GRM8: variants seen among roughly 807,000 people sequenced by gnomAD.
GRM8 encodes glutamate metabotropic receptor 8.
Under a neutral mutation model 87.2 loss-of-function variants are expected in GRM8, and 47 were observed. The ratio of observed to expected loss-of-function variants is 0.54; its 90% CI spans 0.43 to 0.69. GRM8 has a LOEUF of 0.69. Among genes scored for constraint, GRM8 ranks in the 30% least tolerant of loss-of-function variants. GRM8 has a pLI of 0.00. For missense variants in GRM8, 1,019 were observed against 1,139.2 expected (o/e 0.89, Z 1.52); for synonymous variants, 396 against 404.5 (o/e 0.98, Z 0.25).
intron 6 of GRM8, among the ~76,000 whole-genome samples, chr7:126,788,111 C>A (rs1310799863): frequency 6.6e-6 from 1 of 151,852 alleles, no homozygotes; most frequent in Non-Finnish European, 1.5e-5. Context: ...ATGTAGATTT[C>A]TATCATTAAA....
At chr7:126,641,661 G>C (rs770853974) in intron 7 of GRM8, among the ~76,000 whole-genome samples, 1 of 152,024 alleles carries the variant, frequency 6.6e-6, no homozygotes, top group Non-Finnish European at 1.5e-5. Flanking sequence ...ACTATTTCAT[G>C]ATGAGAAAAA....
chr7:126,886,197 T>C (rs953147763), intron 6 of GRM8, among the ~76,000 whole-genome samples: 1 of 152,086 alleles, frequency 6.6e-6, no homozygotes, highest in African/African-American at 2.4e-5. Flanking sequence ...AATCTGAGCT[T>C]CCCCACATTA....
chr7:126,710,182 A>G (rs1304329911), intron 7 of GRM8, among the ~76,000 whole-genome samples: 2 of 152,348 alleles, frequency 1.3e-5, no homozygotes, highest in African/African-American at 4.8e-5. Context: ...TCAGCAAATC[A>G]TAATCTTTTG....
intron 7 of GRM8, among the ~76,000 whole-genome samples, chr7:126,667,167 A>C (rs909305127): frequency 6.6e-6 from 1 of 152,208 alleles, no homozygotes; most frequent in Admixed American, 6.5e-5. Context: ...ATAACCAGAG[A>C]TGTATATACC....
chr7:126,441,973 T>C (rs1386048096), intron 10 of GRM8, among the ~76,000 whole-genome samples: 1 of 147,954 alleles, frequency 6.8e-6, no homozygotes, highest in African/African-American at 2.5e-5. Flanking sequence ...GACCTGGTTT[T>C]AAATTACATT....
At chr7:127,003,543 A>C (rs1296647735) in intron 3 of GRM8, among the ~76,000 whole-genome samples, 1 of 151,692 alleles carries the variant, frequency 6.6e-6, no homozygotes, top group Non-Finnish European at 1.5e-5. Context: ...AAATTTTTGC[A>C]ATTTGTGTAC....
rs2150464566 is a variant in GRM8, at chr7:126,446,156, T to C, written c.2647A>G (p.Ser883Gly). The C allele has an allele frequency of 6.2e-7, 1 of 1,613,000 alleles. No individual in the cohort carries two copies. Among genetic ancestry groups the C allele is most frequent in the East Asian group, 2.2e-5 (1 of 44,804 alleles). Reference sequence around the variant, plus strand: ...GTTTCAAGACTCTCACAGAGTTCACTTTTCACCTCGCCATTTGGTCTGTCA... The same window carrying C: ...GTTTCAAGACTCTCACAGAGTTCACCTTTCACCTCGCCATTTGGTCTGTCA... ...GNDRPNGEVK[S>G]ELCESLETNT... Residue 883 changes from serine to glycine, a missense_variant, in exon 10 of 11, where the codon AGT (serine) becomes GGT (glycine). Physicochemically the swap from Ser to Gly is moderately conservative, Grantham distance 56 (BLOSUM62 0). Coordinates refer to ENST00000339582, the MANE Select transcript of GRM8 (RefSeq NM_000845.3).
intron 3 of GRM8, among the ~76,000 whole-genome samples, chr7:127,000,332 A>G (rs1339983325): frequency 6.6e-6 from 1 of 151,728 alleles, no homozygotes; most frequent in Non-Finnish European, 1.5e-5. Context: ...CTAGTATTTG[A>G]TAGCACAAAA....
intron 7 of GRM8, among the ~76,000 whole-genome samples, chr7:126,715,384 C>T (rs2151436586): frequency 6.6e-6 from 1 of 152,322 alleles, no homozygotes; most frequent in South Asian, 2.1e-4. Context: ...TGATTTAATG[C>T]TGCACCCTTA....
intron 7 of GRM8, among the ~76,000 whole-genome samples, chr7:126,726,916 A>T (rs1678305432): frequency 6.6e-6 from 1 of 152,082 alleles, no homozygotes. Context: ...ATTATTTATA[A>T]AAATATTGTC....
intron 3 of GRM8, among the ~76,000 whole-genome samples, chr7:126,912,905 C>G (rs13231455): frequency 5.3e-5 from 8 of 152,254 alleles, no homozygotes; most frequent in Admixed American, 2.0e-4. Flanking sequence ...GTTGCACAAA[C>G]AAAGGCAATC....
intron 6 of GRM8, among the ~76,000 whole-genome samples, chr7:126,896,512 C>T (rs1325298294): frequency 1.3e-5 from 2 of 152,078 alleles, no homozygotes; most frequent in African/African-American, 4.8e-5. Flanking sequence ...CATATGGTCT[C>T]TATGCGTCCT....
intron 6 of GRM8, among the ~76,000 whole-genome samples, chr7:126,900,657 C>T (rs1801987635): frequency 1.7e-5 from 1 of 58,360 alleles, no homozygotes; most frequent in African/African-American, 1.0e-4. Context: ...CTACAGGCGC[C>T]CGCCACACGC....
At chr7:127,147,296 T>C (rs1186372199) in intron 2 of GRM8, among the ~76,000 whole-genome samples, 1 of 151,998 alleles carries the variant, frequency 6.6e-6, no homozygotes, top group Non-Finnish European at 1.5e-5. Flanking sequence ...CCGGCCAAAG[T>C]ACAGAAAGTA....
chr7:126,716,452 T>C (rs576050078), intron 7 of GRM8, among the ~76,000 whole-genome samples: 1 of 152,298 alleles, frequency 6.6e-6, no homozygotes, highest in African/African-American at 2.4e-5. Flanking sequence ...TTACTGTTTT[T>C]CTATAACACC....
chr7:126,782,488 C>T (rs946596436), intron 6 of GRM8, among the ~76,000 whole-genome samples: 6 of 151,928 alleles, frequency 3.9e-5, no homozygotes, highest in African/African-American at 1.5e-4. Context: ...AATGAGTTTG[C>T]CCATGAGGAA....
chr7:126,800,696 A>G, intron 6 of GRM8, among the ~76,000 whole-genome samples: 1 of 152,174 alleles, frequency 6.6e-6, no homozygotes, highest in East Asian at 1.9e-4. Flanking sequence ...CTTTTCTCAA[A>G]TGTACACCAA....
At chr7:127,154,021 T>C (rs978910983) in intron 2 of GRM8, among the ~76,000 whole-genome samples, 5 of 152,088 alleles carry the variant, frequency 3.3e-5, no homozygotes, top group Non-Finnish European at 7.4e-5. Context: ...CCCAGTCACC[T>C]CTGCTGAAAA....
chr7:126,828,427 T>C (rs1398381512), intron 6 of GRM8, among the ~76,000 whole-genome samples: 2 of 152,240 alleles, frequency 1.3e-5, no homozygotes, highest in African/African-American at 4.8e-5. Flanking sequence ...AACTTCTTCC[T>C]GGTTTAGTCT....
Sources: allele counts gnomAD v4.1 joint callset (sites outside exome capture counted in the v4.1 genomes callset), GRCh38; gene constraint gnomAD v4.1.1; transcripts MANE v1.5; gene names NCBI Gene and HGNC (gene_info 2026-07-23, HGNC 2026-07-21).